PTPRO: variants seen among roughly 807,000 people sequenced by gnomAD.
PTPRO encodes receptor-type tyrosine-protein phosphatase O.
PTPRO carries 62 observed loss-of-function variants against 145.2 expected under a neutral mutation model. The ratio of observed to expected loss-of-function variants is 0.43; its 90% CI spans 0.35 to 0.53. The LOEUF (loss-of-function observed/expected upper bound fraction) is 0.53, where lower values mean the gene tolerates loss of function less well. PTPRO is among the 20% of genes least tolerant of loss of function. PTPRO has a pLI of 0.01. For missense variants in PTPRO, 1,345 were observed against 1,482.7 expected (o/e 0.91, Z 1.53); for synonymous variants, 565 against 514.7 (o/e 1.10, Z -1.32).
intron 24 of PTPRO, 139 bp from the exon 25 acceptor site, chr12:15,589,316 C>T (rs1944494542): frequency 2.7e-6 from 3 of 1,119,578 alleles, no homozygotes; most frequent in Middle Eastern, 2.8e-4. Context: ...GCAGAGGTTG[C>T]AGTGAGCCGA....
intron 7 of PTPRO, among the ~76,000 whole-genome samples, chr12:15,511,652 G>A (rs4764201): frequency 0.57 from 86,853 of 151,442 alleles, 26,133 homozygotes; most frequent in Admixed American, 0.66. Flanking sequence ...TGCAACTTCC[G>A]CCTCCTGGGT....
In PTPRO at chr12:15,360,029, T is replaced by C. The variant is rs556390995; in HGVS notation, c.75+37228T>C. On this transcript the variant is annotated intron_variant, in intron 1 of 26. Coordinates refer to ENST00000281171, the MANE Select transcript of PTPRO (RefSeq NM_030667.3). ...GTGGTTAGCTCTATTTTCTTTATCT[T>C]TCAAGCCACCATTTAAAAATCAACT... Among the ~76,000 whole-genome samples, 5 of 152,310 alleles carry C rather than the reference T, an allele frequency of 3.3e-5. No individual in the cohort carries two copies. The South Asian group carries it at 6.2e-4, about 19-fold the overall frequency.
chr12:15,560,284 A>AG lies in PTPRO; in HGVS notation c.2711+8_2711+9insG, dbSNP rs1943739124. Reference sequence around the variant, plus strand: ...ATTTTATATTAATCCTTGGTAAGTGATTTTTTTTTACTGTTTAACACAAAC... The same window carrying AG: ...ATTTTATATTAATCCTTGGTAAGTGAGTTTTTTTTTACTGTTTAACACAAAC... On this transcript the variant is annotated intron_variant, in intron 17 of 26. Transcript: ENST00000281171. The AG allele has an allele frequency of 6.5e-7, 1 of 1,529,642 alleles. No homozygotes were observed. Among genetic ancestry groups the AG allele is most frequent in the Non-Finnish European group, 9.0e-7 (1 of 1,106,770 alleles). 94.8% of individuals were successfully genotyped at this position (1,529,642 alleles called of 1,614,324 possible).
At chr12:15,324,176 A>G (rs1230818660) in intron 1 of PTPRO, among the ~76,000 whole-genome samples, 1 of 152,224 alleles carries the variant, frequency 6.6e-6, no homozygotes, top group Non-Finnish European at 1.5e-5. Flanking sequence ...TCAAACTGTC[A>G]CAACTATTTT....
At chr12:15,433,820 G>T (rs1000706619) in intron 1 of PTPRO, among the ~76,000 whole-genome samples, 1 of 152,106 alleles carries the variant, frequency 6.6e-6, no homozygotes, top group Admixed American at 6.5e-5. Flanking sequence ...TTTTGCTTAG[G>T]ATTGCCTTGG....
intron 18 of PTPRO, among the ~76,000 whole-genome samples, chr12:15,567,434 C>T (rs1277099024): frequency 1.3e-5 from 2 of 151,952 alleles, no homozygotes; most frequent in East Asian, 3.9e-4. Flanking sequence ...TACTCCCTTC[C>T]AGCTTTCTTT....
intron 15 of PTPRO, among the ~76,000 whole-genome samples, chr12:15,556,727 C>T (rs949680686): frequency 6.6e-6 from 1 of 152,020 alleles, no homozygotes; most frequent in African/African-American, 2.4e-5. Context: ...AATCAAAATG[C>T]CATAAACAAA....
chr12:15,476,576 C>T (rs961154185), intron 1 of PTPRO, among the ~76,000 whole-genome samples: 2 of 150,920 alleles, frequency 1.3e-5, no homozygotes, highest in African/African-American at 4.9e-5. Context: ...TTAATTAGAT[C>T]CCATTTGTCA....
intron 18 of PTPRO, among the ~76,000 whole-genome samples, chr12:15,569,138 C>T (rs535014184): frequency 1.3e-5 from 2 of 152,044 alleles, no homozygotes; most frequent in South Asian, 2.1e-4. Context: ...TGTGTGTATA[C>T]GAGTATGCAT....
chr12:15,428,012 T>G (rs1464171374), intron 1 of PTPRO, among the ~76,000 whole-genome samples: 1 of 152,154 alleles, frequency 6.6e-6, no homozygotes, highest in African/African-American at 2.4e-5. Flanking sequence ...TTTTAACAAT[T>G]GTTATGAAAG....
chr12:15,554,148 C>G (rs1019232796), intron 15 of PTPRO, among the ~76,000 whole-genome samples: 13 of 152,130 alleles, frequency 8.5e-5, no homozygotes, highest in Non-Finnish European at 1.6e-4. Flanking sequence ...GCACTCCAGC[C>G]TGGGCAACAA....
chr12:15,446,625 G>A (rs1278282798), intron 1 of PTPRO, among the ~76,000 whole-genome samples: 2 of 151,794 alleles, frequency 1.3e-5, no homozygotes, highest in Non-Finnish European at 2.9e-5. Flanking sequence ...AATGTTCCTA[G>A]TATTAGGAAA....
At chr12:15,503,802 G>A (rs1360148426) in intron 5 of PTPRO, 106 bp from the exon 6 acceptor site, 7 of 818,284 alleles carry the variant, frequency 8.6e-6, no homozygotes, top group Admixed American at 5.3e-5. Context: ...GACAAAAGGA[G>A]GGAACATTTA....
At chr12:15,438,249 C>T (rs1940656157) in intron 1 of PTPRO, among the ~76,000 whole-genome samples, 1 of 151,910 alleles carries the variant, frequency 6.6e-6, no homozygotes, top group Non-Finnish European at 1.5e-5. Flanking sequence ...ATTAGAAGTG[C>T]CAGTGTCTCC....
chr12:15,328,046 G>A (rs1349855407), intron 1 of PTPRO, among the ~76,000 whole-genome samples: 5 of 151,950 alleles, frequency 3.3e-5, no homozygotes, highest in Middle Eastern at 3.4e-3. Flanking sequence ...CCCAGAAGGC[G>A]GAGGTTGCAG....
chr12:15,413,555 C>T (rs1939861722), intron 1 of PTPRO, among the ~76,000 whole-genome samples: 1 of 152,166 alleles, frequency 6.6e-6, no homozygotes, highest in African/African-American at 2.4e-5. Flanking sequence ...TGGCTCACTC[C>T]TGTAATCCCA....
rs75778517 is a variant in PTPRO, at chr12:15,534,825, T to A, written c.2164+8563T>A. Among the ~76,000 whole-genome samples, 996 of 152,330 alleles carry A rather than the reference T, an allele frequency of 6.5e-3. 14 individuals carry two copies. The highest frequency in any genetic ancestry group is 0.023 in the African/African-American group (954 of 41,562). ...GGTTGCTTAATGAGAAAGGGATTATTGTATCAACAATGAAAGTAGGGGAAC... is the reference window on the plus strand; with the variant it reads ...GGTTGCTTAATGAGAAAGGGATTATAGTATCAACAATGAAAGTAGGGGAAC... On this transcript the variant is annotated intron_variant, in intron 12 of 26. Transcript: ENST00000281171.
At chr12:15,435,184 A>G (rs576428597) in intron 1 of PTPRO, among the ~76,000 whole-genome samples, 3 of 152,338 alleles carry the variant, frequency 2.0e-5, no homozygotes, top group South Asian at 4.1e-4. Flanking sequence ...TTTCCCAACT[A>G]TAATAGGATA....
chr12:15,334,575 G>A (rs888503588), intron 1 of PTPRO, among the ~76,000 whole-genome samples: 2 of 152,118 alleles, frequency 1.3e-5, no homozygotes, highest in African/African-American at 4.8e-5. Context: ...GTAATGCACT[G>A]ATCTATATCC....
Sources: gnomAD v4.1 joint callset for allele counts (sites outside exome capture counted in the v4.1 genomes callset) on GRCh38, gnomAD v4.1.1 for gene constraint, MANE v1.5 for transcripts, NCBI Gene and HGNC (gene_info 2026-07-23, HGNC 2026-07-21) for gene names.